The following ARHGAP24 variants were observed in gnomAD, a reference collection of about 807,000 sequenced individuals.
The protein encoded by ARHGAP24 is Rho GTPase activating protein 24, also known as rho GTPase-activating protein 24.
Under a neutral mutation model 76.4 loss-of-function variants are expected in ARHGAP24, and 50 were observed. The ratio of observed to expected loss-of-function variants is 0.65; its 90% CI spans 0.52 to 0.83. The LOEUF is 0.83. Among genes scored for constraint, ARHGAP24 ranks in the 40% least tolerant of loss-of-function variants. The probability of loss-of-function intolerance (pLI) is 0.00; values close to 1 mark genes in which losing one functional copy is unlikely to be tolerated. For missense variants in ARHGAP24, 930 were observed against 914.2 expected (o/e 1.02, Z -0.22); for synonymous variants, 345 against 323.3 (o/e 1.07, Z -0.72).
intron 4 of ARHGAP24, 56 bp downstream of exon 4, chr4:85,923,826 C>A: frequency 6.2e-7 from 1 of 1,612,096 alleles, no homozygotes; most frequent in Non-Finnish European, 8.5e-7. Context: ...CCTGTTCATC[C>A]CTTTCCCCCA....
intron 5 of ARHGAP24, among the ~76,000 whole-genome samples, chr4:85,967,319 A>T (rs1738677901): frequency 6.6e-6 from 1 of 152,162 alleles, no homozygotes; most frequent in Non-Finnish European, 1.5e-5. Context: ...AACGAAGAAT[A>T]AATGTTGTTC....
intron 2 of ARHGAP24, among the ~76,000 whole-genome samples, chr4:85,628,454 T>C (rs1048237786): frequency 6.6e-6 from 1 of 152,134 alleles, no homozygotes; most frequent in Non-Finnish European, 1.5e-5. Context: ...TATGTTGGTG[T>C]TGGATGGAAG....
intron 2 of ARHGAP24, among the ~76,000 whole-genome samples, chr4:85,614,417 G>A (rs1258478899): frequency 5.3e-5 from 8 of 152,080 alleles, no homozygotes; most frequent in Admixed American, 5.2e-4. Flanking sequence ...AGTAGGGAAA[G>A]AAGTCAGAGA....
At chr4:85,524,242 C>T (rs1349385301) in intron 1 of ARHGAP24, among the ~76,000 whole-genome samples, 1 of 152,076 alleles carries the variant, frequency 6.6e-6, no homozygotes, top group Non-Finnish European at 1.5e-5. Context: ...TGAATCAGAA[C>T]CTTGGGCTAA....
intron 2 of ARHGAP24, among the ~76,000 whole-genome samples, chr4:85,612,105 CACACACACA>C (rs1720405449): frequency 2.0e-5 from 3 of 151,464 alleles, no homozygotes; most frequent in Non-Finnish European, 4.4e-5. Context: ...CACACACACA[CACACACACA>C]CACACACAGA....
At chr4:85,635,706 C>G (rs750964860) in intron 2 of ARHGAP24, among the ~76,000 whole-genome samples, 3 of 151,868 alleles carry the variant, frequency 2.0e-5, no homozygotes, top group Admixed American at 6.6e-5. Context: ...TGCTTTAAAT[C>G]TAATTTCTAT....
chr4:85,782,122 T>A (rs1378120164), intron 3 of ARHGAP24, among the ~76,000 whole-genome samples: 2 of 151,720 alleles, frequency 1.3e-5, no homozygotes, highest in Non-Finnish European at 2.9e-5. Flanking sequence ...TTCAGTTAGG[T>A]GGCATGACTT....
At chr4:85,934,108 A>G (rs763780534) in intron 4 of ARHGAP24, among the ~76,000 whole-genome samples, 4 of 152,206 alleles carry the variant, frequency 2.6e-5, no homozygotes, top group Non-Finnish European at 5.9e-5. Flanking sequence ...ACAAATTCCT[A>G]CAACACACAA....
intron 2 of ARHGAP24, among the ~76,000 whole-genome samples, chr4:85,714,049 T>C (rs1472095423): frequency 6.6e-6 from 1 of 152,126 alleles, no homozygotes; most frequent in Non-Finnish European, 1.5e-5. Flanking sequence ...GTGCCTCCTC[T>C]CACAATCGAG....
At chr4:85,899,494 C>T (rs74439982) in intron 3 of ARHGAP24, among the ~76,000 whole-genome samples, 2,389 of 152,112 alleles carry the variant, frequency 0.016, 44 homozygotes, top group East Asian at 0.11. Context: ...TCACCAAGGA[C>T]AAATAAGGTA....
chr4:85,719,684 C>T (rs1188414519), intron 2 of ARHGAP24, among the ~76,000 whole-genome samples: 2 of 152,062 alleles, frequency 1.3e-5, no homozygotes, highest in South Asian at 2.1e-4. Context: ...CATTTTTAGC[C>T]GTTAACTATA....
chr4:85,537,561 T>C (rs780633554), intron 1 of ARHGAP24, among the ~76,000 whole-genome samples: 39 of 152,272 alleles, frequency 2.6e-4, no homozygotes, highest in Non-Finnish European at 5.0e-4. Flanking sequence ...GTAAGGTATG[T>C]TCTCATACAA....
At chr4:85,905,794 A>T (rs1734743068) in intron 3 of ARHGAP24, among the ~76,000 whole-genome samples, 1 of 152,142 alleles carries the variant, frequency 6.6e-6, no homozygotes, top group Non-Finnish European at 1.5e-5. Flanking sequence ...CCCCATATTT[A>T]ATGATGCAAG....
At chr4:85,902,750 C>G (rs1460266242) in intron 3 of ARHGAP24, among the ~76,000 whole-genome samples, 3 of 152,152 alleles carry the variant, frequency 2.0e-5, no homozygotes, top group Non-Finnish European at 4.4e-5. Flanking sequence ...ATTACAGGTG[C>G]CCGCCACTGC....
intron 5 of ARHGAP24, among the ~76,000 whole-genome samples, chr4:85,952,305 C>G (rs976276146): frequency 1.3e-5 from 2 of 152,138 alleles, no homozygotes; most frequent in African/African-American, 4.8e-5. Context: ...AATGTGTGAT[C>G]TTAAGGACTA....
At chr4:85,531,057 C>G (rs191695615) in intron 1 of ARHGAP24, among the ~76,000 whole-genome samples, 1 of 152,024 alleles carries the variant, frequency 6.6e-6, no homozygotes, top group East Asian at 1.9e-4. Context: ...TGCATGAAAT[C>G]GTTTTTTCCT....
intron 5 of ARHGAP24, among the ~76,000 whole-genome samples, chr4:85,959,458 A>T (rs1578434293): frequency 6.6e-6 from 1 of 151,942 alleles, no homozygotes; most frequent in Non-Finnish European, 1.5e-5. Context: ...GCCTCGTTTT[A>T]CCCAGCCCCT....
At chr4:85,565,182 A>G (rs1405107334) in intron 1 of ARHGAP24, among the ~76,000 whole-genome samples, 1 of 151,906 alleles carries the variant, frequency 6.6e-6, no homozygotes, top group Non-Finnish European at 1.5e-5. Flanking sequence ...AGCAATACCT[A>G]TAAAATAAAC....
intron 3 of ARHGAP24, chr4:85,827,907 G>C: frequency 7.8e-7 from 1 of 1,289,732 alleles, no homozygotes; most frequent in Middle Eastern, 2.1e-4. Context: ...CAGAGCAGCT[G>C]CTCTGTCTCC....
Sources: gnomAD v4.1 joint callset for allele counts (sites outside exome capture counted in the v4.1 genomes callset) on GRCh38, gnomAD v4.1.1 for gene constraint, MANE v1.5 for transcripts, NCBI Gene and HGNC (gene_info 2026-07-23, HGNC 2026-07-21) for gene names.